The following ARHGAP15 variants were observed in gnomAD, a reference collection of about 807,000 sequenced individuals.
ARHGAP15 encodes the protein Rho GTPase activating protein 15, also known as rho GTPase-activating protein 15.
Under a neutral mutation model 63.7 loss-of-function variants are expected in ARHGAP15, and 51 were observed. The observed-to-expected ratio is 0.80, with a 90% CI of 0.64 to 1.01. The LOEUF (loss-of-function observed/expected upper bound fraction) is 1.01, where lower values mean the gene tolerates loss of function less well. Ranked by LOEUF, ARHGAP15 falls within the 50% of genes least tolerant of loss-of-function variation. ARHGAP15 has a pLI of 0.00. For missense variants in ARHGAP15, 560 were observed against 564.6 expected (o/e 0.99, Z 0.08); for synonymous variants, 191 against 193.8 (o/e 0.99, Z 0.12).
chr2:143,548,868 ATAAAAAT>A (rs1695440994), intron 10 of ARHGAP15, among the ~76,000 whole-genome samples: 1 of 152,138 alleles, frequency 6.6e-6, no homozygotes, highest in Non-Finnish European at 1.5e-5. Context: ...CCAAAATGAG[ATAAAAAT>A]TGAAAAGAAA....
intron 13 of ARHGAP15, among the ~76,000 whole-genome samples, chr2:143,714,216 T>G (rs1319676035): frequency 1.3e-5 from 2 of 152,254 alleles, no homozygotes; most frequent in East Asian, 3.9e-4. Context: ...ATCCACAGGC[T>G]CAACACCACA....
chr2:143,228,518 G>T, intron 4 of ARHGAP15, 63 bp from the exon 5 acceptor site: 1 of 1,125,988 alleles, frequency 8.9e-7, no homozygotes, highest in Non-Finnish European at 1.3e-6. Flanking sequence ...TGCTCATACT[G>T]TATCTATAAA....
At chr2:143,360,751 G>A (rs1166721461) in intron 6 of ARHGAP15, among the ~76,000 whole-genome samples, 1 of 152,150 alleles carries the variant, frequency 6.6e-6, no homozygotes, top group South Asian at 2.1e-4. Flanking sequence ...GAAGGTGGAA[G>A]AGTTAAGTAC....
intron 5 of ARHGAP15, among the ~76,000 whole-genome samples, chr2:143,235,341 G>A (rs111963587): frequency 1.9e-3 from 288 of 150,652 alleles, no homozygotes; most frequent in African/African-American, 6.8e-3. Context: ...TTGAATATGT[G>A]GAGATTTGTA....
At chr2:143,714,848 C>T (rs190533500) in intron 13 of ARHGAP15, among the ~76,000 whole-genome samples, 8 of 152,354 alleles carry the variant, frequency 5.3e-5, no homozygotes, top group Admixed American at 5.2e-4. Flanking sequence ...GTTCATATCA[C>T]TATCAGCATT....
At chr2:143,684,631 G>A (rs952248422) in intron 12 of ARHGAP15, among the ~76,000 whole-genome samples, 3 of 152,066 alleles carry the variant, frequency 2.0e-5, no homozygotes, top group Non-Finnish European at 4.4e-5. Context: ...AAAAAACCCC[G>A]AGCAGCTTAA....
At chr2:143,676,020 AACTTGCTGCATCTTCTACATCAGC>A (rs1470440302) in intron 12 of ARHGAP15, 2 of 152,260 alleles carry the variant, frequency 1.3e-5, no homozygotes, top group African/African-American at 2.4e-5. Flanking sequence ...TCTTCTGGAT[AACTTGCTGCATCTTCTACATCAGC>A]ACTTGCTGCT....
intron 10 of ARHGAP15, among the ~76,000 whole-genome samples, chr2:143,542,323 C>T (rs1695103123): frequency 6.6e-6 from 1 of 152,134 alleles, no homozygotes; most frequent in Admixed American, 6.5e-5. Flanking sequence ...CCTTGCACTT[C>T]CCGGGTGAGG....
chr2:143,753,297 T>A (rs1686451014), intron 13 of ARHGAP15, among the ~76,000 whole-genome samples: 1 of 152,174 alleles, frequency 6.6e-6, no homozygotes, highest in South Asian at 2.1e-4. Context: ...TGAAAGGAGA[T>A]CTAAGTGGCC....
chr2:143,735,679 C>T lies in ARHGAP15; in HGVS notation c.1244+32155C>T, dbSNP rs937955597. Among the ~76,000 whole-genome samples, 4 of 152,106 alleles carry T rather than the reference C, an allele frequency of 2.6e-5. No homozygotes were observed. In the East Asian group the frequency reaches 7.7e-4, roughly 29 times the overall value. Reference sequence around the variant, plus strand: ...AGGCTTGAGACACAGGCCCACTCAACCACACAGACTAGAAGTGAGGGAGAA... The same window carrying T: ...AGGCTTGAGACACAGGCCCACTCAATCACACAGACTAGAAGTGAGGGAGAA... On this transcript the variant is annotated intron_variant, in intron 13 of 13. Coordinates refer to ENST00000295095, the MANE Select transcript of ARHGAP15 (RefSeq NM_018460.4).
intron 11 of ARHGAP15, among the ~76,000 whole-genome samples, chr2:143,573,195 C>T (rs1400170668): frequency 6.6e-6 from 1 of 152,178 alleles, no homozygotes; most frequent in Non-Finnish European, 1.5e-5. Flanking sequence ...CAAAACTTCA[C>T]ATTTCTTATC....
At chr2:143,157,944 G>A (rs1370852788) in intron 2 of ARHGAP15, among the ~76,000 whole-genome samples, 1 of 151,800 alleles carries the variant, frequency 6.6e-6, no homozygotes, top group Non-Finnish European at 1.5e-5. Context: ...AGTAGGGTTT[G>A]TTGTAACAGA....
At chr2:143,435,031 G>C (rs1689548767) in intron 6 of ARHGAP15, among the ~76,000 whole-genome samples, 1 of 152,074 alleles carries the variant, frequency 6.6e-6, no homozygotes, top group Admixed American at 6.6e-5. Context: ...TACTCCTTTT[G>C]TGGGGAAATT....
intron 2 of ARHGAP15, among the ~76,000 whole-genome samples, chr2:143,198,899 G>A (rs1228034255): frequency 6.6e-6 from 1 of 152,130 alleles, no homozygotes; most frequent in African/African-American, 2.4e-5. Flanking sequence ...CTAAGAATGG[G>A]AATCTAGTTG....
At chr2:143,327,471 G>A (rs1038658940) in intron 6 of ARHGAP15, among the ~76,000 whole-genome samples, 1 of 152,134 alleles carries the variant, frequency 6.6e-6, no homozygotes, top group Non-Finnish European at 1.5e-5. Context: ...AAAGCCGGAG[G>A]CATCACACTA....
At chr2:143,178,537 TG>T (rs1356444000) in intron 2 of ARHGAP15, among the ~76,000 whole-genome samples, 1 of 152,194 alleles carries the variant, frequency 6.6e-6, no homozygotes, top group African/African-American at 2.4e-5. Flanking sequence ...AATGGTATTA[TG>T]TTAAGTGCAT....
At chr2:143,679,675 GTGTGTGTGTA>G (rs1296930847) in intron 12 of ARHGAP15, among the ~76,000 whole-genome samples, 3 of 125,842 alleles carry the variant, frequency 2.4e-5, no homozygotes, top group Admixed American at 1.6e-4. Flanking sequence ...GTGTGTGTGT[GTGTGTGTGTA>G]TGTGTGTGTG....
chr2:143,212,839 G>T (rs1471171698), intron 3 of ARHGAP15, among the ~76,000 whole-genome samples: 2 of 152,128 alleles, frequency 1.3e-5, no homozygotes, highest in Non-Finnish European at 2.9e-5. Context: ...CTGAAACATG[G>T]TGACGTATTT....
At chr2:143,156,939 T>C (rs932392702) in intron 2 of ARHGAP15, among the ~76,000 whole-genome samples, 1 of 151,982 alleles carries the variant, frequency 6.6e-6, no homozygotes, top group Admixed American at 6.6e-5. Flanking sequence ...CTCTATAATG[T>C]ATTATCAGTA....
Sources: gnomAD v4.1 joint callset for allele counts (sites outside exome capture counted in the v4.1 genomes callset) on GRCh38, gnomAD v4.1.1 for gene constraint, MANE v1.5 for transcripts, NCBI Gene and HGNC (gene_info 2026-07-23, HGNC 2026-07-21) for gene names.